The following L2HGDH variants were observed in gnomAD, a reference collection of about 807,000 sequenced individuals.
The protein encoded by L2HGDH is L-2-hydroxyglutarate dehydrogenase, mitochondrial.
L2HGDH carries 34 observed loss-of-function variants against 51.5 expected under a neutral mutation model. That is an observed-to-expected ratio of 0.66 (90% CI 0.50 to 0.88). The LOEUF is 0.88. Among genes scored for constraint, L2HGDH ranks in the 40% least tolerant of loss-of-function variants. The pLI, the probability that L2HGDH is intolerant of heterozygous loss-of-function variation, is 0.00. For missense variants in L2HGDH, 558 were observed against 571.9 expected (o/e 0.98, Z 0.25); for synonymous variants, 198 against 197.9 (o/e 1.00, Z -0.01).
rs976080907 is a variant in L2HGDH, at chr14:50,244,788, A to G, written c.*2270T>C. 17 of 985,304 alleles carry G rather than the reference A, an allele frequency of 1.7e-5. No homozygotes were observed. The African/African-American group carries it at 1.7e-4, about 10-fold the overall frequency. The allele number at this position is 985,304 out of a possible 1,614,324, so 61.0% of individuals were successfully genotyped here. Reference sequence around the variant, plus strand: ...GGAAGAAAACAGAAACATTTTTCCTATCAACCAAAATGCACATCCTTCTCA... The same window carrying G: ...GGAAGAAAACAGAAACATTTTTCCTGTCAACCAAAATGCACATCCTTCTCA... On this transcript the variant is annotated 3_prime_UTR_variant, in exon 10 of 10. Transcript: ENST00000267436.
chr14:50,248,219 A>T (rs931577964), intron 9 of L2HGDH, among the ~76,000 whole-genome samples: 4 of 152,252 alleles, frequency 2.6e-5, no homozygotes, highest in African/African-American at 9.6e-5. Context: ...TGAACTACAA[A>T]AAAGCACCTC....
intron 9 of L2HGDH, among the ~76,000 whole-genome samples, chr14:50,254,945 C>T (rs576189903): frequency 4.5e-4 from 69 of 151,978 alleles, no homozygotes; most frequent in Admixed American, 9.2e-4. Flanking sequence ...ACTTGGAAGG[C>T]AGAGGTGGGA....
At chr14:50,247,561 T>C (rs1307723377) in intron 9 of L2HGDH, among the ~76,000 whole-genome samples, 1 of 152,236 alleles carries the variant, frequency 6.6e-6, no homozygotes, top group African/African-American at 2.4e-5. Context: ...CCACACTTAA[T>C]TAGAACAGGT....
At chr14:50,310,734 T>G (rs868848459) in intron 1 of L2HGDH, among the ~76,000 whole-genome samples, 1 of 152,000 alleles carries the variant, frequency 6.6e-6, no homozygotes, top group African/African-American at 2.4e-5. Flanking sequence ...ATTTTAAGTA[T>G]AAACAAAACT....
At chr14:50,311,553 T>A in intron 1 of L2HGDH, 2 of 444,652 alleles carry the variant, frequency 4.5e-6, no homozygotes, top group Non-Finnish European at 9.1e-6. Flanking sequence ...GGCAACACTA[T>A]GCGGGGTGTG....
At chr14:50,275,994 C>A (rs1319198465) in intron 6 of L2HGDH, among the ~76,000 whole-genome samples, 1 of 152,128 alleles carries the variant, frequency 6.6e-6, no homozygotes, top group East Asian at 1.9e-4. Context: ...GGTTCCCCTG[C>A]CAGTAAATCA....
chr14:50,279,495 C>G (rs1226110441), intron 5 of L2HGDH, among the ~76,000 whole-genome samples: 2 of 152,088 alleles, frequency 1.3e-5, no homozygotes. Context: ...AGGCTTATTA[C>G]TAGGTGCTAT....
chr14:50,286,577 G>A (rs753306744), intron 4 of L2HGDH, among the ~76,000 whole-genome samples: 1 of 152,146 alleles, frequency 6.6e-6, no homozygotes, highest in Non-Finnish European at 1.5e-5. Context: ...GCAGTGGTAA[G>A]GTTGGCAGGG....
chr14:50,301,229 T>C (rs1024445993), intron 3 of L2HGDH, among the ~76,000 whole-genome samples: 1 of 152,164 alleles, frequency 6.6e-6, no homozygotes, highest in African/African-American at 2.4e-5. Flanking sequence ...GGTGGGAATG[T>C]AAAATAGCAC....
chr14:50,249,995 G>A (rs1274672020), intron 9 of L2HGDH, among the ~76,000 whole-genome samples: 1 of 140,282 alleles, frequency 7.1e-6, no homozygotes, highest in Non-Finnish European at 1.5e-5. Flanking sequence ...TCCACCTCCT[G>A]GGCTCAAGCG....
At chr14:50,252,752 T>C (rs749391876) in intron 9 of L2HGDH, among the ~76,000 whole-genome samples, 2 of 152,120 alleles carry the variant, frequency 1.3e-5, no homozygotes, top group Non-Finnish European at 2.9e-5. Flanking sequence ...ATTGTAAATA[T>C]ATATGCACCC....
At chr14:50,270,822 C>G (rs1325338296) in intron 6 of L2HGDH, among the ~76,000 whole-genome samples, 2 of 151,612 alleles carry the variant, frequency 1.3e-5, no homozygotes, top group African/African-American at 4.8e-5. Context: ...TACTGTTTAG[C>G]CTTACTCTAT....
intron 3 of L2HGDH, among the ~76,000 whole-genome samples, chr14:50,297,371 G>C (rs375761596): frequency 6.6e-6 from 1 of 150,706 alleles, no homozygotes; most frequent in South Asian, 2.1e-4. Flanking sequence ...GGAATTCATA[G>C]ACACACACAC....
At chr14:50,298,375 G>A (rs1329421878) in intron 3 of L2HGDH, among the ~76,000 whole-genome samples, 1 of 151,844 alleles carries the variant, frequency 6.6e-6, no homozygotes, top group Admixed American at 6.6e-5. Flanking sequence ...GAGTGCAATG[G>A]CGCGATCTCA....
intron 8 of L2HGDH, among the ~76,000 whole-genome samples, chr14:50,267,145 TTTTATTTATTTATTTA>T (rs149075578): frequency 0.011 from 1,592 of 143,442 alleles, 23 homozygotes; most frequent in South Asian, 0.036. Context: ...TTCTTTTTAT[TTTTATTTATTTATTTA>T]TTTATTTATT....
chr14:50,247,936 T>C (rs985835112), intron 9 of L2HGDH, among the ~76,000 whole-genome samples: 2 of 151,864 alleles, frequency 1.3e-5, no homozygotes, highest in African/African-American at 4.8e-5. Context: ...GTTGCTCAGG[T>C]TGTGTACACA....
In L2HGDH at chr14:50,293,388, T is replaced by C; in HGVS notation, c.540+727A>G. 5.0e-6 allele frequency: 3 copies of C among 604,248 alleles called. No individual in the cohort carries two copies. The South Asian group carries it at 6.1e-5, about 12-fold the overall frequency. 37.4% of individuals were successfully genotyped at this position (604,248 alleles called of 1,614,324 possible). On this transcript the variant is annotated intron_variant, in intron 4 of 9. Coordinates refer to ENST00000267436, the MANE Select transcript of L2HGDH (RefSeq NM_024884.3). ...ATGTGAAATGTAAAACAATAAAACTTTTAGAAAAACACATAGAATATCTTC... is the reference window on the plus strand; with the variant it reads ...ATGTGAAATGTAAAACAATAAAACTCTTAGAAAAACACATAGAATATCTTC...
At chr14:50,303,826 A>C (rs1303975592) in intron 1 of L2HGDH, among the ~76,000 whole-genome samples, 1 of 151,272 alleles carries the variant, frequency 6.6e-6, no homozygotes, top group Admixed American at 6.6e-5. Context: ...AAAAAAAAAA[A>C]AACCTCAAAA....
intron 5 of L2HGDH, among the ~76,000 whole-genome samples, chr14:50,280,682 A>AT (rs1480496259): frequency 1.3e-5 from 2 of 151,992 alleles, no homozygotes; most frequent in African/African-American, 4.8e-5. Context: ...TTAAAAAAAA[A>AT]TTTTTATGTT....
Sources: gnomAD v4.1 joint callset for allele counts (sites outside exome capture counted in the v4.1 genomes callset) on GRCh38, gnomAD v4.1.1 for gene constraint, MANE v1.5 for transcripts, NCBI Gene and HGNC (gene_info 2026-07-23, HGNC 2026-07-21) for gene names.